Variants in CACNA2D3 observed in about 807,000 individuals in gnomAD.
The protein encoded by CACNA2D3 is calcium voltage-gated channel auxiliary subunit alpha2delta 3, also known as voltage-dependent calcium channel subunit alpha-2/delta-3.
A neutral mutation model predicts 160.6 loss-of-function variants in CACNA2D3; 60 were observed. The ratio of observed to expected loss-of-function variants is 0.37; its 90% CI spans 0.30 to 0.46. The LOEUF (loss-of-function observed/expected upper bound fraction) is 0.46. CACNA2D3 is among the 20% of genes least tolerant of loss of function. CACNA2D3 has a pLI of 1.00. For synonymous variants in CACNA2D3, 558 were observed against 492.9 expected, an observed-to-expected ratio of 1.13 and a Z score of -1.75; for missense variants, 1,205 against 1,365.0, an observed-to-expected ratio of 0.88 and a Z score of 1.85.
chr3:55,043,324 C>CCCTCTCTT (rs1703998253), intron 35 of CACNA2D3, among the ~76,000 whole-genome samples: 1 of 144,944 alleles, frequency 6.9e-6, no homozygotes, highest in African/African-American at 2.5e-5. Flanking sequence ...CTCCCTCCCT[C>CCCTCTCTT]TCTTTCTTTC....
intron 11 of CACNA2D3, among the ~76,000 whole-genome samples, chr3:54,650,633 A>G (rs1319944524): frequency 6.6e-6 from 1 of 152,022 alleles, no homozygotes; most frequent in Non-Finnish European, 1.5e-5. Flanking sequence ...CCAAAGTGCT[A>G]CAATTATAGG....
intron 11 of CACNA2D3, among the ~76,000 whole-genome samples, chr3:54,708,445 A>C (rs1487097121): frequency 6.6e-6 from 1 of 152,194 alleles, no homozygotes; most frequent in Non-Finnish European, 1.5e-5. Context: ...TAACCCTAAT[A>C]AACACTTCTT....
chr3:54,466,864 GCTT>G (rs1332355533), intron 4 of CACNA2D3, among the ~76,000 whole-genome samples: 1 of 152,156 alleles, frequency 6.6e-6, no homozygotes, highest in East Asian at 1.9e-4. Flanking sequence ...TGAAAGGTTT[GCTT>G]CATCATTTTG....
intron 6 of CACNA2D3, among the ~76,000 whole-genome samples, chr3:54,569,390 A>G (rs1350413388): frequency 1.3e-5 from 2 of 152,116 alleles, no homozygotes; most frequent in Admixed American, 1.3e-4. Context: ...TAGACATTAC[A>G]TCACCTGGTC....
chr3:54,387,394 G>A (rs911613684), intron 4 of CACNA2D3, among the ~76,000 whole-genome samples: 2 of 152,224 alleles, frequency 1.3e-5, no homozygotes, highest in Admixed American at 6.5e-5. Context: ...GCTCATGCCT[G>A]TAATCCTAGC....
chr3:54,212,405 G>T (rs1701392224), intron 2 of CACNA2D3, among the ~76,000 whole-genome samples: 1 of 152,200 alleles, frequency 6.6e-6, no homozygotes, highest in Non-Finnish European at 1.5e-5. Context: ...GCAGTCGGTT[G>T]TAAGAGTTAA....
At chr3:54,416,296 A>G (rs1451357904) in intron 4 of CACNA2D3, among the ~76,000 whole-genome samples, 1 of 152,126 alleles carries the variant, frequency 6.6e-6, no homozygotes, top group Non-Finnish European at 1.5e-5. Context: ...GCTACCTCCA[A>G]TGTTTTCCCT....
At chr3:54,995,531 G>A (rs1445068648) in intron 31 of CACNA2D3, among the ~76,000 whole-genome samples, 1 of 152,186 alleles carries the variant, frequency 6.6e-6, no homozygotes, top group Admixed American at 6.5e-5. Context: ...TGTAGCTGCT[G>A]AGCCCCAGCC....
At chr3:54,234,298 C>T (rs1021185096) in intron 2 of CACNA2D3, among the ~76,000 whole-genome samples, 4 of 152,060 alleles carry the variant, frequency 2.6e-5, no homozygotes, top group Non-Finnish European at 5.9e-5. Flanking sequence ...CCATCTTACA[C>T]CAGTCAGAAT....
chr3:54,541,073 T>C (rs570420263), intron 5 of CACNA2D3, among the ~76,000 whole-genome samples: 269 of 151,854 alleles, frequency 1.8e-3, no homozygotes, highest in East Asian at 7.6e-3. Flanking sequence ...GTCAGGATAT[T>C]GAGACCATCC....
chr3:54,322,433 C>G (rs566799387), intron 3 of CACNA2D3, among the ~76,000 whole-genome samples: 1 of 152,348 alleles, frequency 6.6e-6, no homozygotes, highest in South Asian at 2.1e-4. Flanking sequence ...TATGCAATCT[C>G]ATTCTTGTAT....
chr3:54,248,511 A>G (rs1478650007), intron 2 of CACNA2D3, among the ~76,000 whole-genome samples: 1 of 150,742 alleles, frequency 6.6e-6, no homozygotes, highest in East Asian at 1.9e-4. Flanking sequence ...AAAGAAAAAG[A>G]AAAAAAAAGG....
At chr3:54,837,018 G>A (rs560962436) in intron 14 of CACNA2D3, 141 bp from the exon 15 acceptor site, 43 of 699,724 alleles carry the variant, frequency 6.1e-5, no homozygotes, top group East Asian at 4.7e-4. Context: ...ATTGTGCTCC[G>A]CGCTCCACTA....
chr3:54,772,672 G>A (rs963094107), intron 13 of CACNA2D3, among the ~76,000 whole-genome samples: 4 of 152,144 alleles, frequency 2.6e-5, no homozygotes, highest in Admixed American at 2.6e-4. Flanking sequence ...AAGATCTCAT[G>A]TATTAATTGA....
intron 14 of CACNA2D3, among the ~76,000 whole-genome samples, chr3:54,818,122 C>A (rs1028571461): frequency 6.6e-6 from 1 of 152,178 alleles, no homozygotes; most frequent in Non-Finnish European, 1.5e-5. Context: ...TTCCACTGAT[C>A]CATATACAAA....
chr3:54,862,615 T>C (rs536146954), intron 17 of CACNA2D3, among the ~76,000 whole-genome samples: 1 of 152,222 alleles, frequency 6.6e-6, no homozygotes, highest in East Asian at 1.9e-4. Context: ...AGTTGAAGGC[T>C]CTCTCTGTTC....
chr3:55,014,764 G>A (rs1358898934), intron 34 of CACNA2D3, among the ~76,000 whole-genome samples: 3 of 152,132 alleles, frequency 2.0e-5, no homozygotes, highest in South Asian at 2.1e-4. Context: ...AACAGTATCC[G>A]GTAGATTGCA....
intron 2 of CACNA2D3, among the ~76,000 whole-genome samples, chr3:54,234,749 A>G (rs533029459): frequency 3.9e-5 from 6 of 152,340 alleles, no homozygotes; most frequent in African/African-American, 1.4e-4. Context: ...TTAGCAAACT[A>G]ACACAGGAAC....
intron 17 of CACNA2D3, among the ~76,000 whole-genome samples, chr3:54,860,865 C>T (rs1237704414): frequency 1.3e-5 from 2 of 152,192 alleles, no homozygotes; most frequent in Admixed American, 6.5e-5. Context: ...AAAAATAGTG[C>T]CTACTACATG....
Sources: allele counts gnomAD v4.1 joint callset (sites outside exome capture counted in the v4.1 genomes callset), GRCh38; gene constraint gnomAD v4.1.1; transcripts MANE v1.5; gene names NCBI Gene and HGNC (gene_info 2026-07-23, HGNC 2026-07-21).